The following SRRM2 variants were observed in gnomAD, a reference collection of about 807,000 sequenced individuals.
SRRM2 encodes the protein serine/arginine repetitive matrix protein 2.
Under a neutral mutation model 213.8 loss-of-function variants are expected in SRRM2, and 30 were observed. That is an observed-to-expected ratio of 0.14 (90% CI 0.10 to 0.19). SRRM2 has a LOEUF of 0.19. Among genes scored for constraint, SRRM2 ranks in the 10% least tolerant of loss-of-function variants. The pLI, the probability that SRRM2 is intolerant of heterozygous loss-of-function variation, is 1.00. For synonymous variants in SRRM2, 2,025 were observed against 1,377.7 expected, an observed-to-expected ratio of 1.47 and a Z score of -10.40; for missense variants, 4,904 against 3,647.0, an observed-to-expected ratio of 1.34 and a Z score of -8.88.
rs555801546 is a variant in SRRM2 at position 2,770,114 on chromosome 16, C to T, written c.8022-238C>T. 49 of 1,406,766 alleles carry T rather than the reference C, an allele frequency of 3.5e-5. No homozygotes were observed. In the East Asian group the frequency reaches 1.2e-3, roughly 35 times the overall value. 87.1% of individuals were successfully genotyped at this position (1,406,766 alleles called of 1,614,324 possible). A position where few individuals can be genotyped will look rare whatever the true frequency, so the allele number is the denominator to read the frequency against. On this transcript the variant is annotated intron_variant, in intron 12 of 14. Transcript: ENST00000301740. ...GTGCGTGCCTTTCTTCACCACTGAG[C>T]TCCTTCAAGGGCAGGGACTGTCTTT...
chr16:2,762,668 C>T lies in SRRM2; in HGVS notation c.2140C>T (p.His714Tyr). Residue 714 changes from histidine (H) to tyrosine (Y), a missense_variant, in exon 11 of 15, where the codon CAC becomes TAC. Transcript: ENST00000301740. ...SRSLVRRGRS[H>Y]SRTPQRRGRS... ...AAGCTTAGTTAGACGTGGAAGATCT[C>T]ACTCTAGAACACCTCAAAGAAGAGG... is the stretch of plus-strand genomic sequence containing the variant. 1 of 1,614,156 alleles carries T rather than the reference C, an allele frequency of 6.2e-7. No individual in the cohort carries two copies. Among genetic ancestry groups the T allele is most frequent in the African/African-American group, 1.3e-5 (1 of 75,022 alleles).
intron 2 of SRRM2, among the ~76,000 whole-genome samples, chr16:2,757,258 G>A (rs1048125418): frequency 3.3e-5 from 5 of 152,134 alleles, no homozygotes; most frequent in Non-Finnish European, 7.4e-5. Context: ...TCCCTGAGGT[G>A]TAGCATATTT....
In SRRM2 at chr16:2,771,358, A is replaced by C. The variant is rs1310676579; in HGVS notation, c.*491A>C. On this transcript the variant is annotated 3_prime_UTR_variant, in exon 15 of 15. Transcript: ENST00000301740. ...TCTTAAAGGCATTTTGGTTTTTTAA[A>C]ATCTGTACAGCAAGAGCAACTTTTT... The C allele has an allele frequency of 6.3e-7, 1 of 1,588,312 alleles. No homozygotes were observed. Among genetic ancestry groups the C allele is most frequent in the Non-Finnish European group, 8.6e-7 (1 of 1,158,198 alleles).
At position 2,757,443 on chromosome 16, in the gene SRRM2, G is replaced by C. The variant is rs761854106; in HGVS notation, c.243-29G>C. On this transcript the variant is annotated intron_variant, in intron 2 of 14. Coordinates refer to ENST00000301740, the MANE Select transcript of SRRM2 (RefSeq NM_016333.4). ...GGGACTGGGGAAAGTGTCCTGTCGA[G>C]CTTAACCCTGAAGGGATTTGTTCTT... 1.9e-6 allele frequency: 3 copies of C among 1,605,406 alleles called. No individual in the cohort carries two copies. The East Asian group carries it at 6.7e-5, about 36-fold the overall frequency.
chr16:2,763,344 G>A lies in SRRM2; in HGVS notation c.2816G>A (p.Ser939Asn), dbSNP rs776413132. 10 of 1,614,172 alleles carry A rather than the reference G, an allele frequency of 6.2e-6. No homozygotes were observed. In the Admixed American group the frequency reaches 6.7e-5, roughly 11 times the overall value. The change falls in exon 11 of 15, where the codon AGT (serine) becomes AAT (asparagine). Residue 939 changes from serine to asparagine, a missense_variant. Ser to Asn is a conservative substitution (Grantham distance 46). Transcript: ENST00000301740. Reference protein sequence around the residue: ...SHSGSSSPSPSRVTSRTTPRR... With the variant: ...SHSGSSSPSPNRVTSRTTPRR... ...TCTGGCTCCTCTTCTCCAAGTCCTA[G>A]TAGGGTGACGTCGAGAACAACTCCA...
Position 2,763,323 on chromosome 16 carries a change from G to T in SRRM2, c.2795G>T (p.Gly932Val). 1 of 1,614,130 alleles carries T rather than the reference G, an allele frequency of 6.2e-7. No homozygotes were observed. Among genetic ancestry groups the T allele is most frequent in the Non-Finnish European group, 8.5e-7 (1 of 1,180,024 alleles). The change falls in exon 11 of 15, where the codon GGC (glycine) becomes GTC (valine). Residue 932 changes from glycine to valine, a missense_variant. Gly to Val is a moderately radical substitution (Grantham distance 109). Coordinates refer to ENST00000301740, the MANE Select transcript of SRRM2 (RefSeq NM_016333.4). The stretch of plus-strand genomic sequence containing the variant: ...TCACCAAGACAAAGAAGCCATTCTG[G>T]CTCCTCTTCTCCAAGTCCTAGTAGG... ...IISPRQRSHS[G>V]SSSPSPSRVT...
Position 2,766,745 on chromosome 16 carries a change from C to T in SRRM2, c.6217C>T (p.Pro2073Ser). The T allele has an allele frequency of 6.2e-7, 1 of 1,614,230 alleles. No individual in the cohort carries two copies. The highest frequency in any genetic ancestry group is 1.1e-5 in the South Asian group (1 of 91,084). Residue 2073 changes from proline (P) to serine (S), a missense_variant, in exon 11 of 15, where the codon CCA becomes TCA. Coordinates refer to ENST00000301740, the MANE Select transcript of SRRM2 (RefSeq NM_016333.4). The surrounding 1 kb of genome is among the most constrained non-coding windows in gnomAD (Gnocchi z 7.0). ...TAAACGGTCCTTAACAAGATCTCCT[C>T]CAGCCATCCGCAGGCGTTCTGCATC... ...RGKRSLTRSP[P>S]AIRRRSASGS...
At chr16:2,768,743 T>C (rs2068630564) in intron 11 of SRRM2, 1 of 744,750 alleles carries the variant, frequency 1.3e-6, no homozygotes, top group Non-Finnish European at 2.3e-6. Flanking sequence ...AGAGGCCTTA[T>C]TCCTCCATCA....
Position 2,761,744 on chromosome 16 carries a change from C to T in SRRM2, c.1216C>T (p.Pro406Ser), listed in dbSNP as rs201469710. The change falls in exon 11 of 15, where the codon CCT becomes TCT. Residue 406 changes from proline (P) to serine (S), a missense_variant. Physicochemically the swap from Pro to Ser is moderately conservative, Grantham distance 74. Coordinates refer to ENST00000301740, the MANE Select transcript of SRRM2 (RefSeq NM_016333.4). Reference protein sequence around the residue: ...EASPTRDRSPPKSPEKLPQSS... With the variant: ...EASPTRDRSPSKSPEKLPQSS... The stretch of plus-strand genomic sequence containing the variant: ...CTCTCCAACTCGGGACCGTTCACCA[C>T]CTAAGTCTCCCGAGAAACTTCCCCA... The T allele has an allele frequency of 3.7e-6, 6 of 1,612,566 alleles. No homozygotes were observed. Among genetic ancestry groups the T allele is most frequent in the Non-Finnish European group, 5.1e-6 (6 of 1,179,090 alleles).
Position 2,761,097 on chromosome 16 carries a change from G to A in SRRM2, c.1033-464G>A, listed in dbSNP as rs565604647. 1.2e-4 allele frequency among the ~76,000 whole-genome samples: 18 copies of A among 152,206 alleles called. No individual in the cohort carries two copies. The East Asian group carries it at 3.3e-3, about 28-fold the overall frequency. ...TTATATTTAAGGCTTTTAATAGTCT[G>A]GTCTTTTTCTCATTTCCTGTACTCT... On this transcript the variant is annotated intron_variant, in intron 10 of 14. Coordinates refer to ENST00000301740, the MANE Select transcript of SRRM2 (RefSeq NM_016333.4).
At chr16:2,770,831 C>T (rs767921004) in intron 14 of SRRM2, 27 bp from the exon 15 acceptor site, 27 of 1,613,986 alleles carry the variant, frequency 1.7e-5, no homozygotes, top group Non-Finnish European at 2.1e-5. Flanking sequence ...GTGGGAACTC[C>T]CTGTTGACCC....
rs748908099 is a variant in SRRM2, at chr16:2,763,198, C to T, written c.2670C>T (p.Ser890=). The change falls in exon 11 of 15, where the codon AGC becomes AGT. Residue 890 remains serine, a synonymous_variant. Transcript: ENST00000301740. ...AATCTAGGACCCCTTCTAGACATAGCTGCTCAGGGTCCTCTCCTCCTAGAG... is the reference window on the plus strand; with the variant it reads ...AATCTAGGACCCCTTCTAGACATAGTTGCTCAGGGTCCTCTCCTCCTAGAG... ...ELKSRTPSRH[S]CSGSSPPRVK... is the part of the protein sequence containing the mutation. 2.5e-6 allele frequency: 4 copies of T among 1,614,116 alleles called. No individual in the cohort carries two copies. The highest frequency in any genetic ancestry group is 3.4e-6 in the Non-Finnish European group (4 of 1,180,026).
Position 2,759,654 on chromosome 16 carries a change from C to A in SRRM2, c.826C>A (p.Arg276Ser), listed in dbSNP as rs200237075. The A allele has an allele frequency of 6.2e-7, 1 of 1,613,770 alleles. No homozygotes were observed. Among genetic ancestry groups the A allele is most frequent in the Non-Finnish European group, 8.5e-7 (1 of 1,179,766 alleles). ...ADSASSSDTS[R>S]SRSRSAAAKT... is the part of the protein sequence containing the mutation. ...CTCTGCTTCCTCCTCCGATACTTCC[C>A]GCAGTCGGTAAGGGGTAGTCCAGGA... The change falls in exon 9 of 15, where the codon CGC (arginine) becomes AGC (serine). Residue 276 changes from arginine to serine, a missense_variant. Physicochemically the swap from Arg to Ser is moderately radical, Grantham distance 110. Coordinates refer to ENST00000301740, the MANE Select transcript of SRRM2 (RefSeq NM_016333.4).
At chr16:2,759,523 G>A in intron 8 of SRRM2, 46 bp from the exon 9 acceptor site, 1 of 1,606,226 alleles carries the variant, frequency 6.2e-7, no homozygotes. Context: ...GAGAATCCAG[G>A]GCAGGTACAG....
rs200386283 is a variant in SRRM2, at chr16:2,768,055, A to G, written c.7527A>G (p.Pro2509=). The G allele has an allele frequency of 8.1e-6, 13 of 1,611,860 alleles. No homozygotes were observed. The highest frequency in any genetic ancestry group is 9.3e-6 in the Non-Finnish European group (11 of 1,179,540). The part of the protein sequence containing the change: ...PGVPHSDVGE[P]PASTGAQQPS... Reference sequence around the variant, plus strand: ...TGCCCCACTCTGATGTGGGGGAGCCACCTGCCTCTACTGGGGCCCAGCAGC... The same window carrying G: ...TGCCCCACTCTGATGTGGGGGAGCCGCCTGCCTCTACTGGGGCCCAGCAGC... Residue 2509 remains proline (P), a synonymous_variant, in exon 11 of 15, where the codon CCA becomes CCG. Coordinates refer to ENST00000301740, the MANE Select transcript of SRRM2 (RefSeq NM_016333.4).
chr16:2,762,597 G>A lies in SRRM2; in HGVS notation c.2069G>A (p.Gly690Glu). 1.2e-6 allele frequency: 2 copies of A among 1,614,168 alleles called. No individual in the cohort carries two copies. Among genetic ancestry groups the A allele is most frequent in the Non-Finnish European group, 1.7e-6 (2 of 1,180,042 alleles). ...RSRSRTPARR[G>E]RSRSRTPRRG... ...CGCTCCAGAACACCAGCCAGGAGAGGGAGGTCTCGGTCTAGGACACCAAGA... is the reference window on the plus strand; with the variant it reads ...CGCTCCAGAACACCAGCCAGGAGAGAGAGGTCTCGGTCTAGGACACCAAGA... The change falls in exon 11 of 15, where the codon GGG becomes GAG. Residue 690 changes from glycine (G) to glutamate (E), a missense_variant. Transcript: ENST00000301740.
chr16:2,756,711 G>A (rs1368900422), intron 2 of SRRM2, 105 bp downstream of exon 2: 6 of 1,466,616 alleles, frequency 4.1e-6, no homozygotes, highest in Non-Finnish European at 5.5e-6. Context: ...GCCTGGCAAA[G>A]AGTTGTGGTA....
chr16:2,769,375 C>G (rs2068658740), intron 12 of SRRM2, 91 bp downstream of exon 12: 3 of 1,423,794 alleles, frequency 2.1e-6, no homozygotes, highest in Admixed American at 4.6e-5. Flanking sequence ...CGCTGGGTGT[C>G]TCACGTGGCC....
rs1489607423 is a variant in SRRM2 at position 2,761,593 on chromosome 16, A to G, written c.1065A>G (p.Glu355=). 1 of 1,516,738 alleles carries G rather than the reference A, an allele frequency of 6.6e-7. No individual in the cohort carries two copies. The highest frequency in any genetic ancestry group is 8.8e-7 in the Non-Finnish European group (1 of 1,135,222). 94.0% of individuals were successfully genotyped at this position (1,516,738 alleles called of 1,614,324 possible). Residue 355 remains glutamate (E), a synonymous_variant, in exon 11 of 15, where the codon GAA becomes GAG. Coordinates refer to ENST00000301740, the MANE Select transcript of SRRM2 (RefSeq NM_016333.4). ...KSATRPSPSP[E]RSSTGPEPPA... is the part of the protein sequence containing the mutation. ...CAACTCGACCTAGCCCCTCTCCGGA[A>G]AGGAGCAGCACAGGCCCAGAACCAC... is the stretch of plus-strand genomic sequence containing the variant.
Sources: allele counts gnomAD v4.1 joint callset (sites outside exome capture counted in the v4.1 genomes callset), GRCh38; gene constraint gnomAD v4.1.1; non-coding constraint Gnocchi (gnomAD v3.1); transcripts MANE v1.5; gene names NCBI Gene and HGNC (gene_info 2026-07-23, HGNC 2026-07-21).